RNF180: variants seen among roughly 807,000 people sequenced by gnomAD.
The protein encoded by RNF180 is E3 ubiquitin-protein ligase RNF180.
In RNF180, 38 loss-of-function variants were observed where a neutral mutation model predicts 59.2. The ratio of observed to expected loss-of-function variants is 0.64; its 90% confidence interval spans 0.50 to 0.84. RNF180 has a LOEUF of 0.84. Ranked by LOEUF, RNF180 falls within the 40% of genes least tolerant of loss-of-function variation. RNF180 has a pLI of 0.00. For missense variants in RNF180, 705 were observed against 700.9 expected (o/e 1.01, Z -0.07); for synonymous variants, 262 against 240.3 (o/e 1.09, Z -0.84).
chr5:64,311,472 A>T (rs1350554797), intron 5 of RNF180, among the ~76,000 whole-genome samples: 1 of 151,938 alleles, frequency 6.6e-6, no homozygotes, highest in Non-Finnish European at 1.5e-5. Context: ...ATGTACATGT[A>T]CATGAACTAG....
chr5:64,199,405 G>A (rs1003256037), intron 1 of RNF180, among the ~76,000 whole-genome samples: 2 of 152,014 alleles, frequency 1.3e-5, no homozygotes, highest in African/African-American at 4.8e-5. Context: ...GATTCCCTCG[G>A]GTAATTTTTT....
intron 7 of RNF180, among the ~76,000 whole-genome samples, chr5:64,346,726 TC>T (rs1289185966): frequency 6.6e-6 from 1 of 152,090 alleles, no homozygotes; most frequent in Non-Finnish European, 1.5e-5. Flanking sequence ...CCAGGCCATA[TC>T]CCAGACCAAT....
intron 7 of RNF180, among the ~76,000 whole-genome samples, chr5:64,369,085 A>T (rs1283557860): frequency 1.3e-5 from 2 of 152,090 alleles, no homozygotes; most frequent in Admixed American, 1.3e-4. Flanking sequence ...GATAGATTGG[A>T]TTAAGAAAAT....
intron 7 of RNF180, among the ~76,000 whole-genome samples, chr5:64,364,070 T>G (rs1036401017): frequency 1.3e-4 from 19 of 151,598 alleles, no homozygotes; most frequent in African/African-American, 3.6e-4. Flanking sequence ...ATTTGGATGC[T>G]CTTTCTTTCT....
intron 7 of RNF180, among the ~76,000 whole-genome samples, chr5:64,343,596 G>GA (rs541556659): frequency 6.6e-5 from 10 of 151,070 alleles, no homozygotes; most frequent in Admixed American, 6.6e-4. Context: ...CAAATATAAA[G>GA]AAAAAAATCT....
intron 7 of RNF180, among the ~76,000 whole-genome samples, chr5:64,345,747 G>A (rs953521118): frequency 6.6e-6 from 1 of 152,022 alleles, no homozygotes; most frequent in East Asian, 1.9e-4. Flanking sequence ...GTTAAGGATT[G>A]GATAATTATC....
intron 1 of RNF180, among the ~76,000 whole-genome samples, chr5:64,178,830 A>G (rs1750405689): frequency 6.6e-6 from 1 of 151,894 alleles, no homozygotes; most frequent in African/African-American, 2.4e-5. Context: ...AGCGTTGCTC[A>G]TTTTTCTTTT....
chr5:64,248,247 A>T (rs1019335305), intron 5 of RNF180, among the ~76,000 whole-genome samples: 5 of 152,218 alleles, frequency 3.3e-5, no homozygotes, highest in African/African-American at 1.2e-4. Flanking sequence ...CAAAAGCCAA[A>T]ATAGACAAAT....
At chr5:64,259,413 A>G (rs1421349903) in intron 5 of RNF180, among the ~76,000 whole-genome samples, 1 of 152,116 alleles carries the variant, frequency 6.6e-6, no homozygotes, top group Non-Finnish European at 1.5e-5. Flanking sequence ...GCCTGTTCTG[A>G]TTTAGAGAGA....
intron 5 of RNF180, among the ~76,000 whole-genome samples, chr5:64,279,255 G>A (rs927067821): frequency 1.3e-5 from 2 of 152,102 alleles, no homozygotes; most frequent in African/African-American, 4.8e-5. Flanking sequence ...AGTACAATGA[G>A]AACTAAAAAT....
chr5:64,167,873 T>C (rs1749735543), intron 1 of RNF180, among the ~76,000 whole-genome samples: 1 of 152,214 alleles, frequency 6.6e-6, no homozygotes, highest in African/African-American at 2.4e-5. Context: ...ATGTGTCCTT[T>C]CCTTCATAGG....
intron 5 of RNF180, among the ~76,000 whole-genome samples, chr5:64,235,296 TA>T (rs1447150592): frequency 6.6e-6 from 1 of 151,902 alleles, no homozygotes; most frequent in Non-Finnish European, 1.5e-5. Flanking sequence ...CAAACAAACA[TA>T]AAACACCAAA....
intron 2 of RNF180, among the ~76,000 whole-genome samples, chr5:64,208,724 A>G (rs1423515281): frequency 1.3e-5 from 2 of 152,066 alleles, no homozygotes; most frequent in African/African-American, 4.8e-5. Context: ...ACAATGCTAT[A>G]AATTCAACCC....
intron 5 of RNF180, among the ~76,000 whole-genome samples, chr5:64,280,622 G>A (rs183069207): frequency 2.7e-4 from 41 of 151,706 alleles, no homozygotes; most frequent in Middle Eastern, 3.4e-3. Context: ...TTTTAGGTGT[G>A]CAGCTTTTTT....
At chr5:64,342,498 T>TA (rs1002010493) in intron 7 of RNF180, among the ~76,000 whole-genome samples, 6 of 151,896 alleles carry the variant, frequency 4.0e-5, no homozygotes, top group Non-Finnish European at 5.9e-5. Context: ...GCTTTGGGAG[T>TA]AAAAAAGGCT....
At chr5:64,327,299 CTTTA>C (rs1408882944) in intron 6 of RNF180, among the ~76,000 whole-genome samples, 1 of 151,546 alleles carries the variant, frequency 6.6e-6, no homozygotes, top group Non-Finnish European at 1.5e-5. Flanking sequence ...CTACTCTGGT[CTTTA>C]TTATTTCTTT....
At chr5:64,180,053 A>G (rs1344579900) in intron 1 of RNF180, among the ~76,000 whole-genome samples, 2 of 151,722 alleles carry the variant, frequency 1.3e-5, no homozygotes, top group South Asian at 4.1e-4. Context: ...GCACTTCCAT[A>G]CTCCTTGTTC....
In RNF180 at chr5:64,365,841, C is replaced by T. The variant is rs147532354; in HGVS notation, c.1580-3774C>T. Among the ~76,000 whole-genome samples the T allele has an allele frequency of 1.1e-3, 160 of 151,566 alleles. 1 individual carries two copies. Among genetic ancestry groups the T allele is most frequent in the African/African-American group, 3.7e-3 (153 of 41,414 alleles). Reference sequence around the variant, plus strand: ...TTTGCTTGATAGATTTTTCTCCATCCCTTTATTTTGAGCTTATAGGTGTCA... The same window carrying T: ...TTTGCTTGATAGATTTTTCTCCATCTCTTTATTTTGAGCTTATAGGTGTCA... On this transcript the variant is annotated intron_variant, in intron 7 of 7. Transcript: ENST00000389100.
chr5:64,244,158 A>G (rs979235991), intron 5 of RNF180, among the ~76,000 whole-genome samples: 5 of 152,208 alleles, frequency 3.3e-5, no homozygotes, highest in African/African-American at 1.2e-4. Context: ...AAGGCTGAAA[A>G]TTCCAAAAAC....
Sources: gnomAD v4.1 joint callset for allele counts (sites outside exome capture counted in the v4.1 genomes callset) on GRCh38, gnomAD v4.1.1 for gene constraint, MANE v1.5 for transcripts, NCBI Gene and HGNC (gene_info 2026-07-23, HGNC 2026-07-21) for gene names.